CNTNAP5: variants seen among roughly 807,000 people sequenced by gnomAD.
CNTNAP5 encodes contactin-associated protein-like 5.
CNTNAP5 carries 72 observed loss-of-function variants against 150.2 expected under a neutral mutation model. The ratio of observed to expected loss-of-function variants is 0.48; its 90% CI spans 0.40 to 0.58. The LOEUF is 0.58. Among genes scored for constraint, CNTNAP5 ranks in the 20% least tolerant of loss-of-function variants. CNTNAP5 has a pLI of 0.00. For synonymous variants in CNTNAP5, 672 were observed against 619.8 expected (o/e 1.08, Z -1.25); for missense variants, 1,636 against 1,626.2 (o/e 1.01, Z -0.10).
At chr2:124,048,671 T>C (rs945215358) in intron 1 of CNTNAP5, among the ~76,000 whole-genome samples, 1 of 152,210 alleles carries the variant, frequency 6.6e-6, no homozygotes, top group African/African-American at 2.4e-5. Flanking sequence ...TGTTGGTAAA[T>C]ATGCTTTCTT....
intron 1 of CNTNAP5, among the ~76,000 whole-genome samples, chr2:124,045,696 A>G (rs1681513599): frequency 6.6e-6 from 1 of 152,208 alleles, no homozygotes; most frequent in African/African-American, 2.4e-5. Flanking sequence ...TGTAGACAAT[A>G]ATAATATTAA....
At chr2:124,506,972 G>A (rs926095204) in intron 8 of CNTNAP5, among the ~76,000 whole-genome samples, 4 of 152,114 alleles carry the variant, frequency 2.6e-5, no homozygotes, top group Admixed American at 1.3e-4. Flanking sequence ...CAAGTTATTT[G>A]AGAATAACTT....
At chr2:124,809,560 C>G (rs922564133) in intron 19 of CNTNAP5, among the ~76,000 whole-genome samples, 3 of 145,680 alleles carry the variant, frequency 2.1e-5, no homozygotes, top group Admixed American at 1.4e-4. Flanking sequence ...CTGCAAGCCA[C>G]TCTGCCCGGC....
intron 3 of CNTNAP5, among the ~76,000 whole-genome samples, chr2:124,358,093 G>C (rs889917709): frequency 6.6e-6 from 1 of 152,066 alleles, no homozygotes; most frequent in Non-Finnish European, 1.5e-5. Flanking sequence ...TTCACTCATG[G>C]TTTGGCTCTC....
chr2:124,863,454 A>T (rs906818922), intron 19 of CNTNAP5, among the ~76,000 whole-genome samples: 5 of 152,302 alleles, frequency 3.3e-5, no homozygotes, highest in African/African-American at 1.2e-4. Context: ...AACAAAAATA[A>T]TAATATCCGG....
intron 3 of CNTNAP5, among the ~76,000 whole-genome samples, chr2:124,310,242 G>C (rs961762909): frequency 2.0e-5 from 3 of 151,942 alleles, no homozygotes; most frequent in Non-Finnish European, 4.4e-5. Context: ...TGGCATATTG[G>C]GGCAATGCAT....
intron 3 of CNTNAP5, among the ~76,000 whole-genome samples, chr2:124,250,440 G>T (rs1227514306): frequency 1.3e-5 from 2 of 152,134 alleles, no homozygotes; most frequent in Non-Finnish European, 2.9e-5. Context: ...GTGCCTGGGG[G>T]AGAGGCCCAG....
At chr2:124,877,581 C>A (rs1392043272) in intron 21 of CNTNAP5, among the ~76,000 whole-genome samples, 2 of 152,072 alleles carry the variant, frequency 1.3e-5, no homozygotes, top group Non-Finnish European at 2.9e-5. Flanking sequence ...ATTACTATGG[C>A]CACACAATGT....
intron 11 of CNTNAP5, among the ~76,000 whole-genome samples, chr2:124,602,417 G>A (rs1190854922): frequency 6.7e-6 from 1 of 150,230 alleles, no homozygotes; most frequent in Non-Finnish European, 1.5e-5. Context: ...AGGCTCAACA[G>A]TTATCAATAT....
intron 11 of CNTNAP5, among the ~76,000 whole-genome samples, chr2:124,573,260 A>G (rs538260503): frequency 6.6e-6 from 1 of 152,310 alleles, no homozygotes; most frequent in South Asian, 2.1e-4. Context: ...TTCACCTTGG[A>G]TTGATTTTCT....
intron 3 of CNTNAP5, among the ~76,000 whole-genome samples, chr2:124,308,184 A>T (rs1688737763): frequency 6.6e-6 from 1 of 152,156 alleles, no homozygotes; most frequent in African/African-American, 2.4e-5. Flanking sequence ...TTCATTGCTA[A>T]TATTGGAAGA....
At chr2:124,518,749 G>A (rs1200375944) in intron 8 of CNTNAP5, among the ~76,000 whole-genome samples, 1 of 152,066 alleles carries the variant, frequency 6.6e-6, no homozygotes. Flanking sequence ...CGCTTTGGGA[G>A]GCTGAGGTGG....
rs1248021158 is a variant in CNTNAP5 at position 124,915,119 on chromosome 2, T to C, written c.*831T>C. ...GAATGCTAGCTAGGTATTCCTGGGA[T>C]TATTATACTGAGATATATATATATA... On this transcript the variant is annotated 3_prime_UTR_variant, in exon 24 of 24. Coordinates refer to ENST00000682447, the MANE Select transcript of CNTNAP5 (RefSeq NM_001367498.1). 2 of 165,116 alleles carry C rather than the reference T, an allele frequency of 1.2e-5. No homozygotes were observed. Among genetic ancestry groups the C allele is most frequent in the East Asian group, 3.9e-4 (2 of 5,124 alleles). The allele number at this position is 165,116 out of a possible 1,614,324, so 10.2% of individuals were successfully genotyped here. A position where few individuals can be genotyped will look rare whatever the true frequency, so the allele number is the denominator to read the frequency against.
At chr2:124,060,781 T>C (rs1371367460) in intron 1 of CNTNAP5, among the ~76,000 whole-genome samples, 20 of 152,186 alleles carry the variant, frequency 1.3e-4, no homozygotes, top group Admixed American at 1.3e-3. Flanking sequence ...CTCTTAAGTC[T>C]CCCAGGATGT....
At chr2:124,659,357 G>T (rs926298953) in intron 13 of CNTNAP5, among the ~76,000 whole-genome samples, 1 of 152,078 alleles carries the variant, frequency 6.6e-6, no homozygotes, top group Non-Finnish European at 1.5e-5. Flanking sequence ...TCACAGCGAA[G>T]ATATGAAGCT....
At chr2:124,305,111 C>CAAAAAA (rs57896748) in intron 3 of CNTNAP5, among the ~76,000 whole-genome samples, 26 of 86,360 alleles carry the variant, frequency 3.0e-4, no homozygotes, top group East Asian at 1.2e-3. Context: ...ACAAAAAATA[C>CAAAAAA]AAAAAAAAAA....
At chr2:124,880,873 T>C (rs1677950969) in intron 21 of CNTNAP5, among the ~76,000 whole-genome samples, 1 of 152,124 alleles carries the variant, frequency 6.6e-6, no homozygotes, top group Admixed American at 6.6e-5. Context: ...AGAATGTTAT[T>C]GTGTGGAAGA....
At chr2:124,451,544 G>T (rs1420872043) in intron 6 of CNTNAP5, among the ~76,000 whole-genome samples, 1 of 152,064 alleles carries the variant, frequency 6.6e-6, no homozygotes, top group Admixed American at 6.5e-5. Context: ...GGCAGGGCTG[G>T]ATTGCAGTTC....
At chr2:124,582,309 C>T (rs1445601018) in intron 11 of CNTNAP5, among the ~76,000 whole-genome samples, 1 of 152,108 alleles carries the variant, frequency 6.6e-6, no homozygotes, top group Non-Finnish European at 1.5e-5. Flanking sequence ...GCTCACCTGG[C>T]TTTACTCACT....
Sources: allele counts gnomAD v4.1 joint callset (sites outside exome capture counted in the v4.1 genomes callset), GRCh38; gene constraint gnomAD v4.1.1; transcripts MANE v1.5; gene names NCBI Gene and HGNC (gene_info 2026-07-23, HGNC 2026-07-21).